XKR6: variants seen among roughly 807,000 people sequenced by gnomAD.
The protein encoded by XKR6 is XK-related protein 6.
Under a neutral mutation model 56.7 loss-of-function variants are expected in XKR6, and 22 were observed. The ratio of observed to expected loss-of-function variants is 0.39; its 90% CI spans 0.28 to 0.55. The LOEUF (loss-of-function observed/expected upper bound fraction) is 0.55. XKR6 is among the 20% of genes least tolerant of loss of function. The probability of loss-of-function intolerance (pLI) is 0.66; values close to 1 mark genes in which losing one functional copy is unlikely to be tolerated. For missense variants in XKR6, 852 were observed against 889.0 expected (o/e 0.96, Z 0.53); for synonymous variants, 524 against 387.8 (o/e 1.35, Z -4.13).
chr8:10,976,136 A>T (rs1438616123), intron 1 of XKR6, among the ~76,000 whole-genome samples: 1 of 151,854 alleles, frequency 6.6e-6, no homozygotes, highest in Non-Finnish European at 1.5e-5. Context: ...AGATCGTGCC[A>T]CTGCACTCCA....
chr8:11,052,223 T>G (rs769439894), intron 1 of XKR6, among the ~76,000 whole-genome samples: 8 of 152,014 alleles, frequency 5.3e-5, no homozygotes, highest in Non-Finnish European at 8.8e-5. Flanking sequence ...GGATCTGATG[T>G]GCTCCTTCCC....
At chr8:10,937,990 C>G (rs1446129766) in intron 1 of XKR6, among the ~76,000 whole-genome samples, 2 of 151,552 alleles carry the variant, frequency 1.3e-5, no homozygotes, top group African/African-American at 2.4e-5. Flanking sequence ...GCGGGCGCCC[C>G]TCCCCCAGCC....
At position 10,983,662 on chromosome 8, in the gene XKR6, G is replaced by GTT. The variant is rs58543763; in HGVS notation, c.765-58834_765-58833dup. Reference sequence around the variant, plus strand: ...GAAAAGCTTACATATTCTTTTTTTTGTTTTTTTTTTTGAGATGGAGTCTCA... The same window carrying GTT: ...GAAAAGCTTACATATTCTTTTTTTTGTTTTTTTTTTTTTGAGATGGAGTCTCA... On this transcript the variant is annotated intron_variant, in intron 1 of 2. Coordinates refer to ENST00000416569, the MANE Select transcript of XKR6 (RefSeq NM_173683.4). Among the ~76,000 whole-genome samples the GTT allele has an allele frequency of 2.3e-4, 34 of 145,162 alleles. No homozygotes were observed. In the East Asian group the frequency reaches 4.0e-3, roughly 17 times the overall value.
intron 1 of XKR6, among the ~76,000 whole-genome samples, chr8:11,038,576 C>T (rs1162479980): frequency 1.3e-5 from 2 of 149,436 alleles, no homozygotes; most frequent in Non-Finnish European, 3.0e-5. Flanking sequence ...GCTCTGTCGC[C>T]TAGGCTGGAG....
rs530203275 is a variant in XKR6 at position 10,964,282 on chromosome 8, G to T, written c.765-39452C>A. Among the ~76,000 whole-genome samples, 110 of 152,268 alleles carry T rather than the reference G, an allele frequency of 7.2e-4. 1 individual carries two copies. The highest frequency in any genetic ancestry group is 2.5e-3 in the African/African-American group (105 of 41,552). ...CCCAATACCCCCACGCTTCCCTGGG[G>T]CTTCTAGGACACCTTCTAGGACACC... is the stretch of plus-strand genomic sequence containing the variant. On this transcript the variant is annotated intron_variant, in intron 1 of 2. Transcript: ENST00000416569.
chr8:10,932,607 G>C (rs1801090033), intron 1 of XKR6, among the ~76,000 whole-genome samples: 1 of 125,492 alleles, frequency 8.0e-6, no homozygotes, highest in East Asian at 2.2e-4. Flanking sequence ...CCCAGAGTGT[G>C]ATATTCCCCT....
chr8:11,054,347 C>G (rs1258394789), intron 1 of XKR6, among the ~76,000 whole-genome samples: 1 of 152,236 alleles, frequency 6.6e-6, no homozygotes, highest in East Asian at 1.9e-4. Flanking sequence ...CCACCAGAAG[C>G]TGCAAGGCCT....
At position 10,967,136 on chromosome 8, in the gene XKR6, G is replaced by A. The variant is rs913481699; in HGVS notation, c.765-42306C>T. On this transcript the variant is annotated intron_variant, in intron 1 of 2. Transcript: ENST00000416569. ...GTCTGCATGACAGTGCGTGATCCTC[G>A]GATATAGAGACCCCTCCTGCCCATA... 5.3e-5 allele frequency among the ~76,000 whole-genome samples: 8 copies of A among 152,308 alleles called. No individual in the cohort carries two copies. The East Asian group carries it at 1.2e-3, about 22-fold the overall frequency.
chr8:11,174,295 G>A (rs1320362717), intron 1 of XKR6, among the ~76,000 whole-genome samples: 3 of 152,170 alleles, frequency 2.0e-5, no homozygotes, highest in Admixed American at 2.0e-4. Flanking sequence ...CTTCCAGATG[G>A]CAAGCGACAC....
intron 1 of XKR6, among the ~76,000 whole-genome samples, chr8:11,156,779 T>C (rs1224497541): frequency 2.0e-5 from 3 of 151,802 alleles, no homozygotes; most frequent in African/African-American, 7.3e-5. Context: ...CGTAGGTAAA[T>C]ACTCCCCAGT....
intron 1 of XKR6, among the ~76,000 whole-genome samples, chr8:10,943,106 A>T (rs138611782): frequency 2.6e-5 from 4 of 152,328 alleles, no homozygotes; most frequent in Non-Finnish European, 2.9e-5. Context: ...CACTCTGCCC[A>T]GGTCAGAGCC....
Position 10,990,934 on chromosome 8 carries a change from A to T in XKR6, c.765-66104T>A, listed in dbSNP as rs983129409. 3.6e-4 allele frequency among the ~76,000 whole-genome samples: 42 copies of T among 115,232 alleles called. 1 individual carries two copies. The highest frequency in any genetic ancestry group is 1.4e-3 in the African/African-American group (40 of 27,752). 75.6% of individuals were successfully genotyped at this position (115,232 alleles called of 152,430 possible). A position where few individuals can be genotyped will look rare whatever the true frequency, so the allele number is the denominator to read the frequency against. On this transcript the variant is annotated intron_variant, in intron 1 of 2. Coordinates refer to ENST00000416569, the MANE Select transcript of XKR6 (RefSeq NM_173683.4). ...TTTTTTTTTTTCGAGACAGAGTCTC[A>T]CTTGGTCACCCAGGCTGGAGTGCAA...
intron 1 of XKR6, among the ~76,000 whole-genome samples, chr8:10,966,516 A>T (rs1191471031): frequency 6.6e-6 from 1 of 152,080 alleles, no homozygotes; most frequent in African/African-American, 2.4e-5. Context: ...TACTAAAAAT[A>T]CAAAAAAATT....
At chr8:10,997,905 G>T (rs763669727) in intron 1 of XKR6, among the ~76,000 whole-genome samples, 3 of 152,158 alleles carry the variant, frequency 2.0e-5, no homozygotes, top group Non-Finnish European at 2.9e-5. Flanking sequence ...CCTTAAAATA[G>T]CATGCTGAGA....
intron 2 of XKR6, among the ~76,000 whole-genome samples, chr8:10,923,194 G>A (rs368135417): frequency 4.6e-5 from 7 of 152,240 alleles, no homozygotes; most frequent in Admixed American, 6.5e-5. Context: ...GTCAAAGGGC[G>A]GAACTGGTCC....
chr8:10,917,684 G>C (rs1321428013), intron 2 of XKR6, among the ~76,000 whole-genome samples: 1 of 152,148 alleles, frequency 6.6e-6, no homozygotes, highest in African/African-American at 2.4e-5. Flanking sequence ...TTTCCTCTGA[G>C]GGTTCCTGGG....
intron 1 of XKR6, among the ~76,000 whole-genome samples, chr8:11,005,390 C>G (rs1370594732): frequency 6.6e-6 from 1 of 151,570 alleles, no homozygotes; most frequent in Non-Finnish European, 1.5e-5. Context: ...ATACATATCT[C>G]CAATGGAAGG....
intron 2 of XKR6, among the ~76,000 whole-genome samples, chr8:10,921,634 G>A (rs771039243): frequency 4.6e-5 from 7 of 152,238 alleles, no homozygotes; most frequent in Non-Finnish European, 1.0e-4. Context: ...AAAATCACAA[G>A]AGGGTATAAG....
At chr8:10,977,752 C>T (rs372145577) in intron 1 of XKR6, among the ~76,000 whole-genome samples, 7 of 151,336 alleles carry the variant, frequency 4.6e-5, no homozygotes, top group East Asian at 3.9e-4. Flanking sequence ...CAGGCAGTAA[C>T]GTGGGAAGGT....
Sources: gnomAD v4.1 joint callset for allele counts (sites outside exome capture counted in the v4.1 genomes callset) on GRCh38, gnomAD v4.1.1 for gene constraint, MANE v1.5 for transcripts, NCBI Gene and HGNC (gene_info 2026-07-23, HGNC 2026-07-21) for gene names.